The following CDCP2 variants were observed in gnomAD, a reference collection of about 807,000 sequenced individuals.
CDCP2 encodes CUB domain containing protein 2.
Under a neutral mutation model 31.0 loss-of-function variants are expected in CDCP2, and 31 were observed. That is an observed-to-expected ratio of 1.00 (90% confidence interval 0.75 to 1.35). CDCP2 has a LOEUF of 1.35. CDCP2 is among the 40% of genes most tolerant of loss of function. The pLI is 0.00. For synonymous variants in CDCP2, 206 were observed against 207.9 expected (o/e 0.99, Z 0.08); for missense variants, 443 against 482.6 (o/e 0.92, Z 0.77).
intron 2 of CDCP2, 29 bp from the exon 3 acceptor site, chr1:54,141,462 T>G: frequency 6.4e-7 from 1 of 1,551,510 alleles, no homozygotes; most frequent in Non-Finnish European, 8.7e-7. Context: ...GAGCTGACCT[T>G]TCTTTCTCCT....
intron 1 of CDCP2, 23 bp from the exon 2 acceptor site, chr1:54,144,836 C>T (rs1463207877): frequency 6.3e-7 from 1 of 1,575,562 alleles, no homozygotes; most frequent in Non-Finnish European, 8.6e-7. Context: ...AGAAGTATGG[C>T]TGAGACTCCG....
chr1:54,136,843 G>T (rs1659266684), intron 4 of CDCP2, 35 bp from the exon 5 acceptor site: 3 of 399,074 alleles, frequency 7.5e-6, no homozygotes, highest in Non-Finnish European at 1.3e-5. Flanking sequence ...AAGCCTTAGG[G>T]TCAGGCGGTC....
chr1:54,136,645 G>A (rs1270092283), exon 5 of CDCP2: 2 of 399,164 alleles, frequency 5.0e-6, no homozygotes, highest in Non-Finnish European at 4.4e-6. Context: ...ACTCAGTGCC[G>A]CAGGTATCAA....
chr1:54,147,785 G>A (rs1473566738), intron 1 of CDCP2, among the ~76,000 whole-genome samples: 1 of 151,726 alleles, frequency 6.6e-6, no homozygotes, highest in African/African-American at 2.4e-5. Context: ...AAGGCAGGAG[G>A]ATCACTTGAG....
chr1:54,133,212 T>G, exon 6 of CDCP2: 1 of 399,122 alleles, frequency 2.5e-6, no homozygotes. Flanking sequence ...ACAGCGGACC[T>G]CGTACTCATG....
intron 1 of CDCP2, among the ~76,000 whole-genome samples, chr1:54,149,669 C>T (rs925030982): frequency 2.0e-5 from 3 of 152,176 alleles, no homozygotes; most frequent in Admixed American, 6.6e-5. Flanking sequence ...GAATTCGTCA[C>T]GATCTAACAT....
intron 2 of CDCP2, chr1:54,142,265 G>A: frequency 6.6e-6 from 1 of 152,360 alleles, no homozygotes. Context: ...CCTCCCTAAT[G>A]GATGAGGAAA....
chr1:54,149,757 G>A (rs1048350417), intron 1 of CDCP2, among the ~76,000 whole-genome samples: 7 of 152,132 alleles, frequency 4.6e-5, no homozygotes, highest in African/African-American at 7.2e-5. Flanking sequence ...TCTCCCTACC[G>A]TATTGCAAGC....
chr1:54,134,382 C>T (rs1570055431), intron 5 of CDCP2, among the ~76,000 whole-genome samples: 1 of 152,252 alleles, frequency 6.6e-6, no homozygotes, highest in East Asian at 1.9e-4. Flanking sequence ...GCTGCCCTCC[C>T]CACCTCAGAT....
intron 4 of CDCP2, chr1:54,139,448 C>G: frequency 8.2e-7 from 1 of 1,217,870 alleles, no homozygotes; most frequent in Non-Finnish European, 1.2e-6. Flanking sequence ...TACAGGGGAC[C>G]AATAACAACA....
chr1:54,147,232 C>A (rs1659490347), intron 1 of CDCP2, among the ~76,000 whole-genome samples: 1 of 151,648 alleles, frequency 6.6e-6, no homozygotes, highest in Non-Finnish European at 1.5e-5. Context: ...CACAATGCAA[C>A]TCAAAAGAAA....
chr1:54,143,613 T>C (rs546318009), intron 2 of CDCP2: 1 of 152,294 alleles, frequency 6.6e-6, no homozygotes, highest in South Asian at 2.1e-4. Flanking sequence ...TGTTGTGGCA[T>C]TCTACAATTC....
Position 54,144,912 on chromosome 1 carries a change from G to A in CDCP2, c.80-99C>T, listed in dbSNP as rs969181376. 4 of 814,732 alleles carry A rather than the reference G, an allele frequency of 4.9e-6. No individual in the cohort carries two copies. In the African/African-American group the frequency reaches 5.2e-5, roughly 11 times the overall value. 50.5% of individuals were successfully genotyped at this position (814,732 alleles called of 1,614,324 possible). A position where few individuals can be genotyped will look rare whatever the true frequency, so the allele number is the denominator to read the frequency against. ...AGCTACAAAGCTGGGTTCTTGGGAT[G>A]GGATGAGGGAACACATGGCCATGTG... On this transcript the variant is annotated intron_variant, in intron 1 of 5. Transcript: ENST00000530059.
intron 1 of CDCP2, 101 bp from the exon 2 acceptor site, chr1:54,144,914 G>A: frequency 2.5e-6 from 2 of 809,780 alleles, no homozygotes; most frequent in Admixed American, 2.9e-5. Flanking sequence ...CTTGGGATGG[G>A]ATGAGGGAAC....
chr1:54,139,942 G>A (rs1319555718), exon 4 of CDCP2: 1 of 1,614,216 alleles, frequency 6.2e-7, no homozygotes, highest in Non-Finnish European at 8.5e-7. Flanking sequence ...GTCTTGGTCA[G>A]GCTGTTGGGC....
intron 1 of CDCP2, among the ~76,000 whole-genome samples, chr1:54,148,972 A>T (rs4927063): frequency 0.72 from 102,725 of 143,418 alleles, 36,661 homozygotes; most frequent in East Asian, 0.93. Context: ...GTTTAAAAAA[A>T]AAATATATAT....
intron 1 of CDCP2, among the ~76,000 whole-genome samples, chr1:54,145,621 C>A (rs941221255): frequency 7.2e-5 from 11 of 151,962 alleles, no homozygotes; most frequent in Non-Finnish European, 1.5e-4. Context: ...ATAATAATAA[C>A]CTCCCCAAGT....
intron 1 of CDCP2, among the ~76,000 whole-genome samples, chr1:54,146,704 C>T (rs773108562): frequency 1.3e-5 from 2 of 151,732 alleles, no homozygotes; most frequent in Non-Finnish European, 2.9e-5. Context: ...TGTCTGGTAC[C>T]AGGTTTAATA....
chr1:54,139,189 A>T, intron 4 of CDCP2: 1 of 258,440 alleles, frequency 3.9e-6, no homozygotes, highest in South Asian at 7.2e-5. Context: ...CGATGCCTGG[A>T]GCTATGGCAG....
Sources: gnomAD v4.1 joint callset for allele counts (sites outside exome capture counted in the v4.1 genomes callset) on GRCh38, gnomAD v4.1.1 for gene constraint, MANE v1.5 for transcripts, NCBI Gene and HGNC (gene_info 2026-07-23, HGNC 2026-07-21) for gene names.